Variants in MCF2L2 observed in about 807,000 individuals in gnomAD.
MCF2L2 encodes the protein probable guanine nucleotide exchange factor MCF2L2.
In MCF2L2, 102 loss-of-function variants were observed where a neutral mutation model predicts 150.2. The ratio of observed to expected loss-of-function variants is 0.68; its 90% confidence interval spans 0.58 to 0.80. MCF2L2 has a LOEUF of 0.80. MCF2L2 is among the 30% of genes least tolerant of loss of function. The pLI is 0.00. For missense variants in MCF2L2, 1,256 were observed against 1,372.8 expected (o/e 0.91, Z 1.34); for synonymous variants, 465 against 491.3 (o/e 0.95, Z 0.71).
At chr3:183,196,842 T>C (rs1332483609) in intron 25 of MCF2L2, among the ~76,000 whole-genome samples, 1 of 152,148 alleles carries the variant, frequency 6.6e-6, no homozygotes, top group Non-Finnish European at 1.5e-5. Flanking sequence ...TTGCTTCTTA[T>C]CTAGATTTTT....
chr3:183,299,695 A>G (rs1251186277), intron 11 of MCF2L2: 1 of 314,366 alleles, frequency 3.2e-6, no homozygotes, highest in Non-Finnish European at 5.9e-6. Context: ...GTACACCTGA[A>G]AGGGAATCAA....
intron 7 of MCF2L2, among the ~76,000 whole-genome samples, chr3:183,314,003 C>T (rs561415511): frequency 7.2e-5 from 11 of 152,304 alleles, no homozygotes; most frequent in African/African-American, 1.4e-4. Context: ...GCAGGAATGA[C>T]GGGCAGCTGA....
rs193009687 is a variant in MCF2L2 at position 183,191,539 on chromosome 3, G to A, written c.3016+1460C>T. 1.6e-3 allele frequency among the ~76,000 whole-genome samples: 248 copies of A among 152,148 alleles called. 1 individual carries two copies. Among genetic ancestry groups the A allele is most frequent in the Non-Finnish European group, 2.5e-3 (167 of 68,002 alleles). ...CATCAGTGGGAATATGTTTCTATTC[G>A]CCTTCCACCACCACCGGTTTAACGC... is the stretch of plus-strand genomic sequence containing the variant. On this transcript the variant is annotated intron_variant, in intron 27 of 29. Transcript: ENST00000328913.
chr3:183,259,907 G>T (rs957128463), intron 15 of MCF2L2, among the ~76,000 whole-genome samples: 1 of 152,146 alleles, frequency 6.6e-6, no homozygotes, highest in African/African-American at 2.4e-5. Flanking sequence ...AAGGAAGTAA[G>T]AACAGTGCTA....
intron 3 of MCF2L2, among the ~76,000 whole-genome samples, chr3:183,366,868 T>A (rs945434303): frequency 1.3e-5 from 2 of 152,154 alleles, no homozygotes; most frequent in African/African-American, 4.8e-5. Context: ...GTGTATGCAT[T>A]ACACACTCTA....
intron 27 of MCF2L2, among the ~76,000 whole-genome samples, chr3:183,190,110 CG>C (rs1310696979): frequency 1.3e-5 from 2 of 152,232 alleles, no homozygotes; most frequent in Non-Finnish European, 2.9e-5. Flanking sequence ...AGTGCATCAA[CG>C]GGAGGCTCTT....
intron 15 of MCF2L2, among the ~76,000 whole-genome samples, chr3:183,259,091 G>A (rs990903490): frequency 6.6e-6 from 1 of 152,122 alleles, no homozygotes; most frequent in African/African-American, 2.4e-5. Context: ...ACCCATGAAC[G>A]TACACGACCA....
Position 183,379,381 on chromosome 3 carries a change from A to G in MCF2L2, c.191T>C (p.Ile64Thr). The change falls in exon 3 of 30, where the codon ATC becomes ACC. Residue 64 changes from isoleucine to threonine, a missense_variant. By Grantham distance (89) the Ile-to-Thr change is moderately conservative (BLOSUM62 -1). Coordinates refer to ENST00000328913, the MANE Select transcript of MCF2L2 (RefSeq NM_015078.4). ...GAACCCCGAAAACTCTGGGAACGTG[A>G]TGATGGGGGCGCCATCCTCCCCTCG... is the stretch of plus-strand genomic sequence containing the variant. ...GGRGEDGAPIITFPEFSGFKH... is the reference protein window; with the variant it reads ...GGRGEDGAPITTFPEFSGFKH... 6.2e-7 allele frequency: 1 copy of G among 1,610,762 alleles called. No individual in the cohort carries two copies. The highest frequency in any genetic ancestry group is 8.5e-7 in the Non-Finnish European group (1 of 1,178,702).
intron 10 of MCF2L2, among the ~76,000 whole-genome samples, chr3:183,306,131 G>A (rs893838573): frequency 2.0e-5 from 3 of 152,202 alleles, no homozygotes; most frequent in Admixed American, 6.5e-5. Context: ...GTACTTGTTA[G>A]AGCCAAGATT....
chr3:183,319,748 T>G (rs1465968725), intron 6 of MCF2L2, among the ~76,000 whole-genome samples: 1 of 152,202 alleles, frequency 6.6e-6, no homozygotes, highest in African/African-American at 2.4e-5. Flanking sequence ...TCTTTTTGTC[T>G]AAGCAGGAGG....
intron 5 of MCF2L2, among the ~76,000 whole-genome samples, chr3:183,333,022 G>T (rs981668581): frequency 6.6e-6 from 1 of 151,960 alleles, no homozygotes; most frequent in South Asian, 2.1e-4. Context: ...ACTGAGATGG[G>T]TTTAATATTC....
At position 183,283,595 on chromosome 3, in the gene MCF2L2, C is replaced by T. The variant is rs993028290; in HGVS notation, c.1776+5525G>A. ...GGAGAGCAGTGGCACCATCTTGGCT[C>T]ACTGCACCCTCTGCCTCCCAGGTTC... On this transcript the variant is annotated intron_variant, in intron 14 of 29. Coordinates refer to ENST00000328913, the MANE Select transcript of MCF2L2 (RefSeq NM_015078.4). The surrounding 1 kb of genome is among the most constrained non-coding windows in gnomAD (Gnocchi z 4.2). 6.6e-6 allele frequency among the ~76,000 whole-genome samples: 1 copy of T among 151,994 alleles called. No individual in the cohort carries two copies. The highest frequency in any genetic ancestry group is 1.5e-5 in the Non-Finnish European group (1 of 68,022).
intron 2 of MCF2L2, among the ~76,000 whole-genome samples, chr3:183,385,383 C>G (rs1272728973): frequency 6.6e-6 from 1 of 152,148 alleles, no homozygotes; most frequent in East Asian, 1.9e-4. Context: ...CTTGGTTTGA[C>G]ATTTTCCATT....
At chr3:183,331,494 G>A (rs556557370) in intron 5 of MCF2L2, among the ~76,000 whole-genome samples, 3 of 152,246 alleles carry the variant, frequency 2.0e-5, no homozygotes, top group African/African-American at 7.2e-5. Context: ...GTATACATTT[G>A]TGTTCTTATC....
chr3:183,291,595 A>G (rs1243211298), intron 13 of MCF2L2, among the ~76,000 whole-genome samples: 1 of 152,198 alleles, frequency 6.6e-6, no homozygotes, highest in African/African-American at 2.4e-5. Flanking sequence ...CCCTCCACAC[A>G]TCTTCTTTAT....
intron 6 of MCF2L2, 93 bp from the exon 7 acceptor site, chr3:183,318,310 TA>T: frequency 7.2e-7 from 1 of 1,381,342 alleles, no homozygotes; most frequent in Non-Finnish European, 1.0e-6. Context: ...TTGATAAAAT[TA>T]GTGAATAATC....
chr3:183,396,898 A>G (rs1218687508), intron 1 of MCF2L2, among the ~76,000 whole-genome samples: 1 of 152,178 alleles, frequency 6.6e-6, no homozygotes, highest in Non-Finnish European at 1.5e-5. Flanking sequence ...AAGCCAAGAA[A>G]TAGCTACAGC....
Position 183,270,033 on chromosome 3 carries a change from CA to C in MCF2L2, c.1862+6838del. 1 of 1,614,048 alleles carries C rather than the reference CA, an allele frequency of 6.2e-7. No individual in the cohort carries two copies. The highest frequency in any genetic ancestry group is 1.1e-5 in the South Asian group (1 of 91,076). On this transcript the variant is annotated intron_variant, in intron 15 of 29. Coordinates refer to ENST00000328913, the MANE Select transcript of MCF2L2 (RefSeq NM_015078.4). This position sits in a 1 kb window ranked among gnomAD's most constrained non-coding sequence, Gnocchi z 4.5. ...GCCTCGCTACCAATACTTGATTAAC[CA>C]CAAGGAAAAGTGTCAAGCTCAAGAC...
chr3:183,295,179 T>C, intron 13 of MCF2L2, 121 bp downstream of exon 13: 1 of 1,013,526 alleles, frequency 9.9e-7, no homozygotes, highest in South Asian at 1.7e-5. Flanking sequence ...ATATCTGTAG[T>C]TTGTTTTAAA....
Sources: gnomAD v4.1 joint callset for allele counts (sites outside exome capture counted in the v4.1 genomes callset) on GRCh38, gnomAD v4.1.1 for gene constraint, Gnocchi (gnomAD v3.1) non-coding constraint, MANE v1.5 for transcripts, NCBI Gene and HGNC (gene_info 2026-07-23, HGNC 2026-07-21) for gene names.